Variants in GLP1R observed in about 807,000 individuals in gnomAD.
GLP1R encodes the protein glucagon like peptide 1 receptor.
A neutral mutation model predicts 68.4 loss-of-function variants in GLP1R; 32 were observed. The observed-to-expected ratio is 0.47, with a 90% CI of 0.35 to 0.63. The LOEUF (loss-of-function observed/expected upper bound fraction) is 0.63, where lower values mean the gene tolerates loss of function less well. Ranked by LOEUF, GLP1R falls within the 20% of genes least tolerant of loss-of-function variation. The probability of loss-of-function intolerance (pLI) is 0.00; values close to 1 mark genes in which losing one functional copy is unlikely to be tolerated. For missense variants in GLP1R, 502 were observed against 594.9 expected (o/e 0.84, Z 1.62); for synonymous variants, 263 against 244.4 (o/e 1.08, Z -0.71).
At chr6:39,067,789 T>C (rs1768556136) in intron 5 of GLP1R, among the ~76,000 whole-genome samples, 1 of 152,234 alleles carries the variant, frequency 6.6e-6, no homozygotes, top group South Asian at 2.1e-4. Flanking sequence ...ATCTAAATAT[T>C]ATTTAAATCA....
chr6:39,077,349 G>A (rs1157903658), intron 7 of GLP1R, among the ~76,000 whole-genome samples: 1 of 152,174 alleles, frequency 6.6e-6, no homozygotes, highest in Non-Finnish European at 1.5e-5. Flanking sequence ...GCTTAACTGG[G>A]GATGGAGAAT....
At chr6:39,084,835 G>A (rs557993352) in intron 12 of GLP1R, among the ~76,000 whole-genome samples, 2 of 152,304 alleles carry the variant, frequency 1.3e-5, no homozygotes, top group East Asian at 1.9e-4. Context: ...CTGGATGGAC[G>A]ACAAAGGAGG....
rs2273092 is a variant in GLP1R, at chr6:39,078,534, C to T, written c.884+152C>T. 9.0e-3 allele frequency: 5,655 copies of T among 629,236 alleles called. 267 individuals carry two copies. In the East Asian group the frequency reaches 0.11, roughly 12 times the overall value. The allele number at this position is 629,236 out of a possible 1,614,324, so 39.0% of individuals were successfully genotyped here. On this transcript the variant is annotated intron_variant, in intron 8 of 12. Coordinates refer to ENST00000373256, the MANE Select transcript of GLP1R (RefSeq NM_002062.5). ...GAATTTAGTTCTCTAATCTCCCCTC[C>T]CTGCCCCTGCCCCTGCCCCTGCCCC...
rs976433725 is a variant in GLP1R, at chr6:39,073,111, G to C, written c.663+96G>C. 8 of 1,184,818 alleles carry C rather than the reference G, an allele frequency of 6.8e-6. No individual in the cohort carries two copies. In the Admixed American group the frequency reaches 9.7e-5, roughly 14 times the overall value. The allele number at this position is 1,184,818 out of a possible 1,614,324, so 73.4% of individuals were successfully genotyped here. On this transcript the variant is annotated intron_variant, in intron 6 of 12. Coordinates refer to ENST00000373256, the MANE Select transcript of GLP1R (RefSeq NM_002062.5). ...ACAGGCCTGGGACAGGAGAAGACAA[G>C]AGCCGAACAGTCCTGGCCCTTCGGG...
intron 3 of GLP1R, among the ~76,000 whole-genome samples, chr6:39,058,642 T>TATCATC (rs112102888): frequency 0.31 from 46,843 of 149,798 alleles, 7,546 homozygotes; most frequent in African/African-American, 0.38. Flanking sequence ...GATATTTCCC[T>TATCATC]ATCATCATCA....
At chr6:39,048,954 C>G (rs1299600064) in intron 1 of GLP1R, 36 bp downstream of exon 1, 2 of 894,662 alleles carry the variant, frequency 2.2e-6, no homozygotes, top group East Asian at 6.5e-5. Flanking sequence ...CCGGGGGAGG[C>G]GGGTGGCTCT....
At chr6:39,069,159 A>G (rs1768592757) in intron 5 of GLP1R, among the ~76,000 whole-genome samples, 1 of 152,206 alleles carries the variant, frequency 6.6e-6, no homozygotes. Flanking sequence ...CTCCCATGAA[A>G]CACTTGGACA....
chr6:39,068,801 C>A (rs918536420), intron 5 of GLP1R, among the ~76,000 whole-genome samples: 1 of 152,186 alleles, frequency 6.6e-6, no homozygotes, highest in Non-Finnish European at 1.5e-5. Flanking sequence ...GCTCCTCCCC[C>A]AGAACTGTTC....
In GLP1R at chr6:39,070,428, G is replaced by A; in HGVS notation, c.510-2434G>A. 1.3e-5 allele frequency among the ~76,000 whole-genome samples: 2 copies of A among 152,022 alleles called. 1 individual carries two copies. The highest frequency in any genetic ancestry group is 2.9e-5 in the Non-Finnish European group (2 of 68,008). ...TTTTTCTTTCTGAATTACAAATGTT[G>A]GGTGCAATGTACATTCTTACTTGTG... On this transcript the variant is annotated intron_variant, in intron 5 of 12. Coordinates refer to ENST00000373256, the MANE Select transcript of GLP1R (RefSeq NM_002062.5).
intron 5 of GLP1R, among the ~76,000 whole-genome samples, chr6:39,072,021 A>G (rs907761683): frequency 6.6e-6 from 1 of 152,236 alleles, no homozygotes; most frequent in African/African-American, 2.4e-5. Flanking sequence ...AAAATATTGC[A>G]AAAGAATTAT....
At chr6:39,084,304 T>C (rs944176674) in intron 12 of GLP1R, among the ~76,000 whole-genome samples, 1 of 152,190 alleles carries the variant, frequency 6.6e-6, no homozygotes, top group African/African-American at 2.4e-5. Context: ...CCAATAAATA[T>C]GGTGATTTTC....
At chr6:39,085,624 G>A (rs1408918241) in intron 12 of GLP1R, among the ~76,000 whole-genome samples, 1 of 152,186 alleles carries the variant, frequency 6.6e-6, no homozygotes, top group East Asian at 1.9e-4. Context: ...AAATAATACT[G>A]TGATGGATTG....
rs761322628 is a variant in GLP1R, at chr6:39,089,824, G to A, written c.*3751G>A. On this transcript the variant is annotated 3_prime_UTR_variant, in exon 13 of 13. Transcript: ENST00000373256. The surrounding 1 kb of genome is among the most constrained non-coding windows in gnomAD (Gnocchi z 4.1). ...TTTGCTAATGCCTGCGACGTGCTCAGGGAAGGCAAAATCTATTCCAAAGGT... is the reference window on the plus strand; with the variant it reads ...TTTGCTAATGCCTGCGACGTGCTCAAGGAAGGCAAAATCTATTCCAAAGGT... Among the ~76,000 whole-genome samples the A allele has an allele frequency of 1.1e-4, 16 of 152,282 alleles. No homozygotes were observed. The highest frequency in any genetic ancestry group is 1.8e-4 in the Non-Finnish European group (12 of 68,032).
chr6:39,069,290 A>G (rs1270330613), intron 5 of GLP1R, among the ~76,000 whole-genome samples: 2 of 152,160 alleles, frequency 1.3e-5, no homozygotes, highest in Non-Finnish European at 2.9e-5. Flanking sequence ...TTTACTGTTC[A>G]TATTTCTACC....
Position 39,079,379 on chromosome 6 carries a change from TG to T in GLP1R, c.1043+181del, listed in dbSNP as rs767639322. Among the ~76,000 whole-genome samples the T allele has an allele frequency of 1.3e-5, 2 of 152,178 alleles. No homozygotes were observed. Among genetic ancestry groups the T allele is most frequent in the Non-Finnish European group, 1.5e-5 (1 of 68,026 alleles). ...TTTTGCCCTGTCTCTGGGCAGCCCCTGGACTTGTTGGGGTCTTGACCTCTAT... is the reference window on the plus strand; with the variant it reads ...TTTTGCCCTGTCTCTGGGCAGCCCCTGACTTGTTGGGGTCTTGACCTCTAT... On this transcript the variant is annotated intron_variant, in intron 10 of 12. Coordinates refer to ENST00000373256, the MANE Select transcript of GLP1R (RefSeq NM_002062.5). This position sits in a 1 kb window ranked among gnomAD's most constrained non-coding sequence, Gnocchi z 4.5.
At chr6:39,063,961 A>ACACACC (rs1217789430) in intron 3 of GLP1R, among the ~76,000 whole-genome samples, 132 of 104,930 alleles carry the variant, frequency 1.3e-3, no homozygotes, top group South Asian at 2.6e-3. Flanking sequence ...ACACACACAC[A>ACACACC]CCCCACATTA....
intron 1 of GLP1R, among the ~76,000 whole-genome samples, chr6:39,051,098 G>C (rs910171): frequency 0.11 from 16,808 of 152,198 alleles, 1,504 homozygotes; most frequent in African/African-American, 0.23. Flanking sequence ...ATACCCTGGT[G>C]AGGGAGCGGG....
At chr6:39,077,903 G>A (rs924178043) in intron 7 of GLP1R, among the ~76,000 whole-genome samples, 15 of 152,206 alleles carry the variant, frequency 9.9e-5, no homozygotes, top group African/African-American at 3.4e-4. Context: ...GGAGTTGACT[G>A]GCAACGTGGG....
chr6:39,054,743 G>C (rs963869533), intron 1 of GLP1R, among the ~76,000 whole-genome samples: 29 of 152,256 alleles, frequency 1.9e-4, no homozygotes, highest in African/African-American at 6.7e-4. Flanking sequence ...CAGAAACCAA[G>C]GGGGATTTCT....
Sources: allele counts gnomAD v4.1 joint callset (sites outside exome capture counted in the v4.1 genomes callset), GRCh38; gene constraint gnomAD v4.1.1; non-coding constraint Gnocchi (gnomAD v3.1); transcripts MANE v1.5; gene names NCBI Gene and HGNC (gene_info 2026-07-23, HGNC 2026-07-21).